The following LRP4 variants were observed in gnomAD, a reference collection of about 807,000 sequenced individuals.
LRP4 encodes the protein low-density lipoprotein receptor-related protein 4.
A neutral mutation model predicts 220.3 loss-of-function variants in LRP4; 95 were observed. That is an observed-to-expected ratio of 0.43 (90% confidence interval 0.37 to 0.51). The LOEUF (loss-of-function observed/expected upper bound fraction) is 0.51. LRP4 is among the 20% of genes least tolerant of loss of function. The pLI, the probability that LRP4 is intolerant of heterozygous loss-of-function variation, is 0.00. For synonymous variants in LRP4, 903 were observed against 954.6 expected, an observed-to-expected ratio of 0.95 and a Z score of 1.00; for missense variants, 1,925 against 2,567.0, an observed-to-expected ratio of 0.75 and a Z score of 5.40.
chr11:46,904,141 G>T (rs968724123), intron 1 of LRP4, among the ~76,000 whole-genome samples: 2 of 152,210 alleles, frequency 1.3e-5, no homozygotes, highest in African/African-American at 4.8e-5. Flanking sequence ...GGGCCGCAGC[G>T]CATGGCTCAT....
intron 37 of LRP4, chr11:46,860,990 G>A (rs534204292): frequency 2.0e-6 from 2 of 983,158 alleles, no homozygotes; most frequent in South Asian, 9.4e-5. Flanking sequence ...TGAAAGAGCT[G>A]CTGAGGAAGA....
In LRP4 at chr11:46,889,400, G is replaced by T; in HGVS notation, c.2215+11C>A. ...AGCCTCCATGGAGGCTGGTGTTGCA[G>T]ACCCACTTACTCTGGGCACAGGCGT... On this transcript the variant is annotated intron_variant, in intron 16 of 37. Coordinates refer to ENST00000378623, the MANE Select transcript of LRP4 (RefSeq NM_002334.4). 1 of 1,613,792 alleles carries T rather than the reference G, an allele frequency of 6.2e-7. No individual in the cohort carries two copies. Among genetic ancestry groups the T allele is most frequent in the South Asian group, 1.1e-5 (1 of 91,052 alleles).
intron 37 of LRP4, among the ~76,000 whole-genome samples, chr11:46,861,376 A>G (rs1458797968): frequency 6.6e-6 from 1 of 152,152 alleles, no homozygotes; most frequent in East Asian, 1.9e-4. Context: ...ACTGTGCTAG[A>G]TAGGCCAAAG....
intron 37 of LRP4, chr11:46,861,020 A>G: frequency 1.1e-6 from 1 of 914,926 alleles, no homozygotes; most frequent in Non-Finnish European, 1.3e-6. Flanking sequence ...CAGAAGAAAG[A>G]GGTCACACTA....
At chr11:46,906,706 G>A (rs1350186419) in intron 1 of LRP4, among the ~76,000 whole-genome samples, 1 of 152,170 alleles carries the variant, frequency 6.6e-6, no homozygotes, top group Non-Finnish European at 1.5e-5. Context: ...TGGTAGGGAA[G>A]AACCTTAAGC....
intron 1 of LRP4, among the ~76,000 whole-genome samples, chr11:46,913,396 T>TA (rs1179372549): frequency 6.6e-6 from 1 of 151,846 alleles, no homozygotes; most frequent in African/African-American, 2.4e-5. Context: ...GGCACCAACT[T>TA]AAAAAGAAGA....
chr11:46,889,667 C>A, intron 15 of LRP4, 134 bp from the exon 16 acceptor site: 1 of 1,230,068 alleles, frequency 8.1e-7, no homozygotes, highest in Non-Finnish European at 1.2e-6. Flanking sequence ...GACATCTGCC[C>A]CTGCTGCTAG....
At chr11:46,889,831 G>C in intron 15 of LRP4, 113 bp downstream of exon 15, 6 of 1,234,430 alleles carry the variant, frequency 4.9e-6, no homozygotes, top group Non-Finnish European at 7.1e-6. Flanking sequence ...TGCCCTGCTG[G>C]ATTTCCCCAT....
chr11:46,891,458 CACACACAG>C (rs1267531463), intron 13 of LRP4, among the ~76,000 whole-genome samples: 1 of 148,328 alleles, frequency 6.7e-6, no homozygotes, highest in Non-Finnish European at 1.5e-5. Context: ...CACACACACA[CACACACAG>C]ACACACACAC....
At chr11:46,862,437 T>C (rs1300732650) in intron 37 of LRP4, among the ~76,000 whole-genome samples, 169 bp downstream of exon 37, 1 of 152,188 alleles carries the variant, frequency 6.6e-6, no homozygotes, top group Non-Finnish European at 1.5e-5. Context: ...TCAGAGATTC[T>C]AGAACTTCCC....
chr11:46,874,645 TG>T (rs1345959208), intron 28 of LRP4, among the ~76,000 whole-genome samples, 154 bp downstream of exon 28: 2 of 152,338 alleles, frequency 1.3e-5, no homozygotes, highest in Admixed American at 6.5e-5. Context: ...GAAACTCTGC[TG>T]TAAGTGACAA....
At chr11:46,859,632 C>T (rs907539906) in intron 37 of LRP4, among the ~76,000 whole-genome samples, 1 of 152,122 alleles carries the variant, frequency 6.6e-6, no homozygotes, top group Non-Finnish European at 1.5e-5. Context: ...TAAGACTCTG[C>T]AGTGTGAGGA....
intron 8 of LRP4, 78 bp downstream of exon 8, chr11:46,896,791 G>C (rs1340962476): frequency 6.2e-7 from 1 of 1,605,582 alleles, no homozygotes; most frequent in Non-Finnish European, 8.5e-7. Context: ...CAACTGGAAA[G>C]ATACCAAAGC....
intron 12 of LRP4, 53 bp downstream of exon 12, chr11:46,894,536 T>C (rs1182469283): frequency 7.2e-7 from 1 of 1,397,434 alleles, no homozygotes. Context: ...CCTCCCACCG[T>C]TGCTGCGCAT....
chr11:46,889,033 G>A (rs1244969835), intron 16 of LRP4, among the ~76,000 whole-genome samples: 2 of 152,186 alleles, frequency 1.3e-5, no homozygotes, highest in Admixed American at 1.3e-4. Context: ...CCTGGTTTAA[G>A]GGCCGAAAGA....
intron 37 of LRP4, among the ~76,000 whole-genome samples, chr11:46,861,700 G>A (rs761548687): frequency 1.5e-4 from 23 of 151,600 alleles, no homozygotes; most frequent in Non-Finnish European, 3.4e-4. Flanking sequence ...TCATTGAAAT[G>A]GGACTATTTT....
At position 46,899,906 on chromosome 11, in the gene LRP4, G is replaced by C. The variant is rs80333596; in HGVS notation, c.387C>G (p.Cys129Trp). 6.2e-7 allele frequency: 1 copy of C among 1,613,812 alleles called. No individual in the cohort carries two copies. The highest frequency in any genetic ancestry group is 1.7e-5 in the Admixed American group (1 of 60,004). The change falls in exon 4 of 38, where the codon TGC (cysteine) becomes TGG (tryptophan). Residue 129 changes from cysteine (C) to tryptophan (W), a missense_variant. Around this residue, in one of 3 missense-constraint regions of LRP4, gnomAD observed 412 missense variants for 505.4 expected, o/e 0.82. Coordinates refer to ENST00000378623, the MANE Select transcript of LRP4 (RefSeq NM_002334.4). This position sits in a 1 kb window ranked among gnomAD's most constrained non-coding sequence, Gnocchi z 5.9. The stretch of plus-strand genomic sequence containing the variant: ...TGTCGCCACAGTCATTGTCACCATC[G>C]CAGTGCCACAGACTCCGGATGCAGT... ...NGYCIRSLWH[C>W]DGDNDCGDNS...
intron 20 of LRP4, among the ~76,000 whole-genome samples, chr11:46,881,125 A>G (rs1941148645): frequency 7.0e-6 from 1 of 142,302 alleles, no homozygotes; most frequent in Admixed American, 7.3e-5. Context: ...CCTGATTTTG[A>G]TCATTGTACT....
Position 46,873,214 on chromosome 11 carries a change from C to T in LRP4, c.4469G>A (p.Trp1490Ter). Residue 1490 changes from tryptophan (W) to a stop codon, truncating the protein, a stop_gained, in exon 30 of 38, where the codon TGG (tryptophan) becomes TAG (stop). Transcript: ENST00000378623. LOFTEE classifies it high-confidence loss of function. This position sits in a 1 kb window ranked among gnomAD's most constrained non-coding sequence, Gnocchi z 4.2. ...PRKGYLFWTDWGHIAKIERAN... is the reference protein window; with the variant it reads ...PRKGYLFWTD ...CCGTTCGATCTTGGCAATGTGGCCC[C>T]AGTCTGTCCAGAAGAGGTACCTGAG... 1 of 1,614,186 alleles carries T rather than the reference C, an allele frequency of 6.2e-7. No homozygotes were observed. Among genetic ancestry groups the T allele is most frequent in the Non-Finnish European group, 8.5e-7 (1 of 1,180,034 alleles).
Sources: gnomAD v4.1 joint callset for allele counts (sites outside exome capture counted in the v4.1 genomes callset) on GRCh38, gnomAD v4.1.1 for gene constraint, gnomAD v4.1.1 regional missense constraint, Gnocchi (gnomAD v3.1) non-coding constraint, MANE v1.5 for transcripts, NCBI Gene and HGNC (gene_info 2026-07-23, HGNC 2026-07-21) for gene names.